The following PTER variants were observed in gnomAD, a reference collection of about 807,000 sequenced individuals.
PTER encodes the protein phosphotriesterase related.
PTER carries 38 observed loss-of-function variants against 29.6 expected under a neutral mutation model. The observed-to-expected ratio is 1.28, with a 90% CI of 0.99 to 1.68. PTER has a LOEUF of 1.68. Ranked by LOEUF, PTER falls within the 40% of genes most tolerant of loss-of-function variation. PTER has a pLI of 0.00. For missense variants in PTER, 482 were observed against 427.8 expected (o/e 1.13, Z -1.12); for synonymous variants, 172 against 154.5 (o/e 1.11, Z -0.84).
intron 1 of PTER, among the ~76,000 whole-genome samples, chr10:16,481,485 C>G (rs1835478576): frequency 6.6e-6 from 1 of 152,222 alleles, no homozygotes; most frequent in South Asian, 2.1e-4. Context: ...CTCCACCCCA[C>G]TCAAAGACAT....
rs142516036 is a variant in PTER at position 16,468,844 on chromosome 10, G to A, written c.-48-15493G>A. ...AAAAAAAATAATTGGGTGTGGCAAC[G>A]TGCACTTGTAGTCCCAACTACTCAG... On this transcript the variant is annotated intron_variant, in intron 1 of 4. Coordinates refer to ENST00000535784, the MANE Select transcript of PTER (RefSeq NM_001261836.2). Among the ~76,000 whole-genome samples, 592 of 151,998 alleles carry A rather than the reference G, an allele frequency of 3.9e-3. 2 individuals carry two copies. Among genetic ancestry groups the A allele is most frequent in the Non-Finnish European group, 5.5e-3 (372 of 67,978 alleles).
At chr10:16,447,844 G>T (rs1037579356) in intron 1 of PTER, among the ~76,000 whole-genome samples, 1 of 152,160 alleles carries the variant, frequency 6.6e-6, no homozygotes, top group Non-Finnish European at 1.5e-5. Context: ...ATTGGTGCAG[G>T]CTGGGGAGAG....
At position 16,513,086 on chromosome 10, in the gene PTER, T is replaced by C. The variant is rs1241646596; in HGVS notation, c.*1830T>C. On this transcript the variant is annotated 3_prime_UTR_variant, in exon 5 of 5. Transcript: ENST00000535784. ...AGCCACTTGGTGTCTGCAGTCCTCA[T>C]ATTAACAGTCTGTCACAGAATGCAG... 3 of 152,258 alleles carry C rather than the reference T, an allele frequency of 2.0e-5. No homozygotes were observed. Among genetic ancestry groups the C allele is most frequent in the African/African-American group, 7.2e-5 (3 of 41,444 alleles). The allele number at this position is 152,258 out of a possible 1,614,324, so 9.4% of individuals were successfully genotyped here.
rs752440949 is a variant in PTER, at chr10:16,505,026, T to G, written c.705T>G (p.Ile235Met). The stretch of plus-strand genomic sequence containing the variant: ...TCTGTCGCATTGTTTCTAGGACTAT[T>G]CTTGATAAGAAAGAGCTCTTGGAGT... Reference protein sequence around the residue: ...KTVMSHLDRTILDKKELLEFA... With the variant: ...KTVMSHLDRTMLDKKELLEFA... The change falls in exon 4 of 5, where the codon ATT (isoleucine) becomes ATG (methionine). Residue 235 changes from isoleucine (I) to methionine (M), a missense_variant. Coordinates refer to ENST00000535784, the MANE Select transcript of PTER (RefSeq NM_001261836.2). 10 of 1,613,826 alleles carry G rather than the reference T, an allele frequency of 6.2e-6. No individual in the cohort carries two copies. The Admixed American group carries it at 1.7e-4, about 27-fold the overall frequency.
intron 1 of PTER, among the ~76,000 whole-genome samples, chr10:16,451,091 G>T (rs1834192948): frequency 6.6e-6 from 1 of 152,178 alleles, no homozygotes; most frequent in Admixed American, 6.5e-5. Context: ...TAAACCGCTG[G>T]TGTAAGTACA....
intron 1 of PTER, among the ~76,000 whole-genome samples, chr10:16,455,520 G>A (rs1157388528): frequency 3.3e-5 from 5 of 151,940 alleles, no homozygotes; most frequent in Non-Finnish European, 7.4e-5. Flanking sequence ...TCAATACCTC[G>A]TCTCTATTAA....
At chr10:16,487,318 T>C (rs1835741384) in intron 3 of PTER, among the ~76,000 whole-genome samples, 1 of 152,192 alleles carries the variant, frequency 6.6e-6, no homozygotes, top group South Asian at 2.1e-4. Context: ...AGGGAGAATC[T>C]TTCCTTGCTT....
chr10:16,446,780 G>GTTTGT (rs200867111), intron 1 of PTER, among the ~76,000 whole-genome samples: 3 of 149,300 alleles, frequency 2.0e-5, no homozygotes, highest in Non-Finnish European at 4.4e-5. Flanking sequence ...TTGTTTGTTT[G>GTTTGT]TTTGTTTTGT....
Position 16,484,717 on chromosome 10 carries a change from GA to G in PTER, c.334del (p.Arg112GlyfsTer39). On this transcript the variant is annotated frameshift_variant, in exon 2 of 5. Transcript: ENST00000535784. LOFTEE classifies it high-confidence loss of function. ...TTAGCCGAGACACACAGACGTTGAA[GA>G]GGCTTGCAGAAGAGACTGGCGTCCA... ...GISRDTQTLKRLAEETGVHII... is the reference protein window; with the variant it reads ...GISRDTQTLKXLAEETGVHII... The G allele has an allele frequency of 6.2e-7, 1 of 1,614,142 alleles. No homozygotes were observed. Among genetic ancestry groups the G allele is most frequent in the Non-Finnish European group, 8.5e-7 (1 of 1,180,026 alleles).
chr10:16,457,336 C>G (rs886815609), intron 1 of PTER, among the ~76,000 whole-genome samples: 2 of 151,960 alleles, frequency 1.3e-5, no homozygotes, highest in Non-Finnish European at 2.9e-5. Flanking sequence ...CCTCAGCCTC[C>G]CGAGTAGCTG....
chr10:16,500,942 T>C (rs572539000), intron 3 of PTER, among the ~76,000 whole-genome samples: 2 of 152,140 alleles, frequency 1.3e-5, no homozygotes, highest in African/African-American at 4.8e-5. Context: ...TTTTTATTTT[T>C]GTTTTTTGAG....
intron 1 of PTER, among the ~76,000 whole-genome samples, chr10:16,464,662 A>G (rs533038296): frequency 6.6e-6 from 1 of 152,180 alleles, no homozygotes; most frequent in Non-Finnish European, 1.5e-5. Context: ...GTCTGGAAAC[A>G]TGCTCCTCAT....
chr10:16,457,141 G>T (rs1305300965), intron 1 of PTER, among the ~76,000 whole-genome samples: 1 of 152,140 alleles, frequency 6.6e-6, no homozygotes, highest in Admixed American at 6.5e-5. Flanking sequence ...AGTTACATGC[G>T]CTTCATTTCT....
rs539424296 is a variant in PTER at position 16,454,183 on chromosome 10, A to C, written c.-49+17136A>C. Among the ~76,000 whole-genome samples the C allele has an allele frequency of 1.1e-4, 17 of 152,348 alleles. No homozygotes were observed. In the South Asian group the frequency reaches 2.3e-3, roughly 20 times the overall value. ...TTAAATTACAGAAATTCCATGGTCAACCAACTCCACTTCTAATCCATTTTT... is the reference window on the plus strand; with the variant it reads ...TTAAATTACAGAAATTCCATGGTCACCCAACTCCACTTCTAATCCATTTTT... On this transcript the variant is annotated intron_variant, in intron 1 of 4. Transcript: ENST00000535784.
At chr10:16,488,103 G>A (rs1835769589) in intron 3 of PTER, among the ~76,000 whole-genome samples, 1 of 152,168 alleles carries the variant, frequency 6.6e-6, no homozygotes. Context: ...AGGCATAATA[G>A]GATAAAGGTA....
At chr10:16,514,433 C>T, downstream of PTER, 1 of 1,010,090 alleles carries the variant, frequency 9.9e-7, no homozygotes, top group Non-Finnish European at 1.5e-6. Flanking sequence ...CTGAGGTGCC[C>T]TGCCATTGGC....
chr10:16,460,078 T>C (rs939089295), intron 1 of PTER, among the ~76,000 whole-genome samples: 1 of 152,192 alleles, frequency 6.6e-6, no homozygotes, highest in Non-Finnish European at 1.5e-5. Context: ...CTTCTTGCAA[T>C]GACCAAATGA....
chr10:16,446,455 G>A (rs74535916), intron 1 of PTER, among the ~76,000 whole-genome samples: 1,526 of 152,076 alleles, frequency 0.01, 13 homozygotes, highest in Non-Finnish European at 0.015. Flanking sequence ...CCTTGTTGAT[G>A]ATCATTCCTC....
At chr10:16,458,523 A>T (rs532333467) in intron 1 of PTER, among the ~76,000 whole-genome samples, 2 of 152,350 alleles carry the variant, frequency 1.3e-5, no homozygotes, top group South Asian at 4.1e-4. Context: ...CACATTCATG[A>T]TGTGAAAACC....
Sources: gnomAD v4.1 joint callset for allele counts (sites outside exome capture counted in the v4.1 genomes callset) on GRCh38, gnomAD v4.1.1 for gene constraint, MANE v1.5 for transcripts, NCBI Gene and HGNC (gene_info 2026-07-23, HGNC 2026-07-21) for gene names.